Variants in NLGN1 observed in about 807,000 individuals in gnomAD.
NLGN1 encodes neuroligin-1.
In NLGN1, 12 loss-of-function variants were observed where a neutral mutation model predicts 65.5. The observed-to-expected ratio is 0.18, with a 90% CI of 0.12 to 0.30. NLGN1 has a LOEUF of 0.30. NLGN1 is among the 10% of genes least tolerant of loss of function. The probability of loss-of-function intolerance (pLI) is 1.00; values close to 1 mark genes in which losing one functional copy is unlikely to be tolerated. For missense variants in NLGN1, 750 were observed against 1,007.1 expected (o/e 0.74, Z 3.46); for synonymous variants, 350 against 359.5 (o/e 0.97, Z 0.30).
intron 4 of NLGN1, among the ~76,000 whole-genome samples, chr3:174,055,153 T>A: frequency 7.4e-6 from 1 of 135,304 alleles, no homozygotes; most frequent in East Asian, 2.0e-4. Context: ...GAGCTTGCTT[T>A]TTTTTTTTTT....
chr3:173,675,188 A>C (rs1224780713), intron 3 of NLGN1, among the ~76,000 whole-genome samples: 1 of 152,184 alleles, frequency 6.6e-6, no homozygotes, highest in Non-Finnish European at 1.5e-5. Flanking sequence ...TGTTGATTGA[A>C]TATTTGGAAT....
At chr3:173,807,878 T>G in intron 4 of NLGN1, 46 bp downstream of exon 4, 1 of 1,568,282 alleles carries the variant, frequency 6.4e-7, no homozygotes, top group African/African-American at 1.4e-5. Context: ...CCATGAAGTA[T>G]GTGATGGTTT....
intron 3 of NLGN1, among the ~76,000 whole-genome samples, chr3:173,672,562 C>T (rs1762587231): frequency 6.6e-6 from 1 of 152,122 alleles, no homozygotes; most frequent in Non-Finnish European, 1.5e-5. Flanking sequence ...AATGGGGATG[C>T]TGGTGACACC....
intron 2 of NLGN1, among the ~76,000 whole-genome samples, chr3:173,468,676 G>A (rs1328600073): frequency 6.6e-6 from 1 of 151,998 alleles, no homozygotes; most frequent in Admixed American, 6.6e-5. Flanking sequence ...CATGTTTTGT[G>A]TTTCCTGGAC....
chr3:173,671,531 G>A (rs1182383404), intron 3 of NLGN1, among the ~76,000 whole-genome samples: 1 of 152,120 alleles, frequency 6.6e-6, no homozygotes, highest in African/African-American at 2.4e-5. Context: ...GGAAGACAGA[G>A]GATCTTGATA....
intron 4 of NLGN1, among the ~76,000 whole-genome samples, chr3:174,255,145 C>T (rs971134777): frequency 1.3e-5 from 2 of 152,080 alleles, no homozygotes; most frequent in African/African-American, 4.8e-5. Flanking sequence ...AACGTTTAAG[C>T]GAAACCTTAG....
intron 4 of NLGN1, among the ~76,000 whole-genome samples, chr3:174,075,540 G>A (rs1033555888): frequency 6.6e-6 from 1 of 152,092 alleles, no homozygotes; most frequent in Non-Finnish European, 1.5e-5. Context: ...CTGACAGTAC[G>A]ACTTGCCCAG....
At chr3:173,403,118 A>G (rs1369354184) in intron 1 of NLGN1, among the ~76,000 whole-genome samples, 2 of 152,154 alleles carry the variant, frequency 1.3e-5, no homozygotes, top group Non-Finnish European at 2.9e-5. Flanking sequence ...AATGGTGTAT[A>G]TGTCTGGCTG....
chr3:173,709,008 A>G (rs1768500844), intron 3 of NLGN1, among the ~76,000 whole-genome samples: 2 of 152,168 alleles, frequency 1.3e-5, no homozygotes, highest in African/African-American at 4.8e-5. Flanking sequence ...TAGGGAATTT[A>G]GTTATTGAGA....
intron 3 of NLGN1, among the ~76,000 whole-genome samples, chr3:173,706,510 C>G (rs994891022): frequency 1.3e-5 from 2 of 152,292 alleles, no homozygotes; most frequent in African/African-American, 4.8e-5. Flanking sequence ...TTTTATACTT[C>G]ATGAAAATTT....
intron 4 of NLGN1, among the ~76,000 whole-genome samples, chr3:173,910,045 T>C (rs1195146833): frequency 6.6e-6 from 1 of 151,402 alleles, no homozygotes; most frequent in Non-Finnish European, 1.5e-5. Flanking sequence ...CCCAAGAGTC[T>C]CTAATATTAA....
chr3:173,980,961 TAGTTC>T (rs1441144598), intron 4 of NLGN1, among the ~76,000 whole-genome samples: 1 of 152,216 alleles, frequency 6.6e-6, no homozygotes, highest in Non-Finnish European at 1.5e-5. Context: ...CCAATTATTT[TAGTTC>T]AGTTATTTTT....
At chr3:173,517,678 G>T (rs1395775360) in intron 2 of NLGN1, among the ~76,000 whole-genome samples, 1 of 152,000 alleles carries the variant, frequency 6.6e-6, no homozygotes, top group Middle Eastern at 3.4e-3. Context: ...ATGTTTATAT[G>T]TATGTGATTC....
intron 2 of NLGN1, among the ~76,000 whole-genome samples, chr3:173,472,050 G>C (rs1725400196): frequency 6.6e-6 from 1 of 152,126 alleles, no homozygotes; most frequent in Non-Finnish European, 1.5e-5. Flanking sequence ...TAGACAAACA[G>C]TAGAGGTATC....
chr3:173,543,800 A>G (rs1006889661), intron 2 of NLGN1, among the ~76,000 whole-genome samples: 4 of 152,140 alleles, frequency 2.6e-5, no homozygotes, highest in Non-Finnish European at 5.9e-5. Context: ...AACAGACACA[A>G]TCTTTGCACT....
chr3:173,671,608 G>A (rs1025545013), intron 3 of NLGN1, among the ~76,000 whole-genome samples: 2 of 152,112 alleles, frequency 1.3e-5, no homozygotes, highest in Non-Finnish European at 2.9e-5. Flanking sequence ...TTTACGTTTG[G>A]CACTTTGGTC....
chr3:173,453,772 T>C (rs1314284241), intron 2 of NLGN1, among the ~76,000 whole-genome samples: 1 of 152,328 alleles, frequency 6.6e-6, no homozygotes, highest in East Asian at 1.9e-4. Context: ...CTTCCTCCAC[T>C]GAAGACTTGA....
intron 4 of NLGN1, among the ~76,000 whole-genome samples, chr3:174,196,638 C>T (rs779719568): frequency 9.2e-5 from 14 of 152,078 alleles, no homozygotes; most frequent in Non-Finnish European, 1.3e-4. Flanking sequence ...ACATTTTCAG[C>T]GATCTTAGAT....
chr3:173,453,446 A>G (rs956709563), intron 2 of NLGN1, among the ~76,000 whole-genome samples: 3 of 152,074 alleles, frequency 2.0e-5, no homozygotes, highest in African/African-American at 7.2e-5. Flanking sequence ...TCCTTTCAAG[A>G]AAGATTTCTT....
Sources: allele counts gnomAD v4.1 joint callset (sites outside exome capture counted in the v4.1 genomes callset), GRCh38; gene constraint gnomAD v4.1.1; transcripts MANE v1.5; gene names NCBI Gene and HGNC (gene_info 2026-07-23, HGNC 2026-07-21).